Variants in RBMS3 observed in about 807,000 individuals in gnomAD.
The protein encoded by RBMS3 is RNA-binding motif, single-stranded-interacting protein 3.
A neutral mutation model predicts 66.8 loss-of-function variants in RBMS3; 27 were observed. That is an observed-to-expected ratio of 0.40 (90% confidence interval 0.30 to 0.56). The LOEUF is 0.56. Ranked by LOEUF, RBMS3 falls within the 20% of genes least tolerant of loss-of-function variation. The pLI is 0.40. For missense variants in RBMS3, 513 were observed against 549.5 expected, an observed-to-expected ratio of 0.93 and a Z score of 0.66; for synonymous variants, 188 against 183.0, an observed-to-expected ratio of 1.03 and a Z score of -0.22.
intron 6 of RBMS3, among the ~76,000 whole-genome samples, chr3:29,768,454 A>T (rs1349771183): frequency 6.6e-6 from 1 of 151,892 alleles, no homozygotes; most frequent in Non-Finnish European, 1.5e-5. Context: ...AGAAGGAAAA[A>T]GTTTCATCTT....
chr3:29,867,596 A>G (rs956178305), intron 6 of RBMS3, among the ~76,000 whole-genome samples: 1 of 149,312 alleles, frequency 6.7e-6, no homozygotes, highest in Admixed American at 6.7e-5. Context: ...GCATGTTCAC[A>G]TATCCATGCA....
chr3:29,289,269 A>C (rs1048174434), intron 1 of RBMS3, among the ~76,000 whole-genome samples: 2 of 151,916 alleles, frequency 1.3e-5, no homozygotes. Context: ...TGGTCCATAC[A>C]TAAGTAGCAA....
intron 6 of RBMS3, among the ~76,000 whole-genome samples, chr3:29,827,581 G>A (rs749585794): frequency 6.6e-6 from 1 of 152,062 alleles, no homozygotes; most frequent in African/African-American, 2.4e-5. Context: ...AACTGAACCA[G>A]GGCTGAAACT....
At position 29,488,421 on chromosome 3, in the gene RBMS3, TTTC is replaced by T; in HGVS notation, c.249-18_249-16del. On this transcript the variant is annotated splice_polypyrimidine_tract_variant and intron_variant, in intron 2 of 14. Coordinates refer to ENST00000383767, the MANE Select transcript of RBMS3 (RefSeq NM_001003793.3). Reference sequence around the variant, plus strand: ...AATGGGTTACAATAACATGGGTTTTTTTCTCTCTCTCTCTTTCAGGTATGGAAA... The same window carrying T: ...AATGGGTTACAATAACATGGGTTTTTTCTCTCTCTCTTTCAGGTATGGAAA... 6.5e-7 allele frequency: 1 copy of T among 1,536,288 alleles called. No homozygotes were observed. The highest frequency in any genetic ancestry group is 8.8e-7 in the Non-Finnish European group (1 of 1,135,134).
intron 6 of RBMS3, among the ~76,000 whole-genome samples, chr3:29,824,200 AAT>A (rs1298383049): frequency 6.9e-6 from 1 of 144,166 alleles, no homozygotes; most frequent in Non-Finnish European, 1.5e-5. Context: ...TTGGAAGGTG[AAT>A]TGGACATGAG....
At chr3:29,621,860 A>C (rs1272600609) in intron 4 of RBMS3, among the ~76,000 whole-genome samples, 2 of 152,154 alleles carry the variant, frequency 1.3e-5, no homozygotes, top group African/African-American at 4.8e-5. Flanking sequence ...AAAAAAACCC[A>C]CTTTATGGAA....
chr3:29,312,626 A>G lies in RBMS3; in HGVS notation c.75+30870A>G, dbSNP rs986133001. On this transcript the variant is annotated intron_variant, in intron 1 of 14. Coordinates refer to ENST00000383767, the MANE Select transcript of RBMS3 (RefSeq NM_001003793.3). ...TTTCTCTCCTTGTCTTTGTGTATCT[A>G]TATGTCTCTGTCTATGTCTGTCCCT... Among the ~76,000 whole-genome samples, 5 of 150,534 alleles carry G rather than the reference A, an allele frequency of 3.3e-5. No homozygotes were observed. In the East Asian group the frequency reaches 5.9e-4, roughly 18 times the overall value.
chr3:29,314,368 C>T (rs1345178146), intron 1 of RBMS3, among the ~76,000 whole-genome samples: 1 of 151,616 alleles, frequency 6.6e-6, no homozygotes, highest in African/African-American at 2.4e-5. Flanking sequence ...CATGACAGGG[C>T]TCACTGTCCT....
chr3:29,648,261 C>CTTTTT (rs1576434694), intron 4 of RBMS3, among the ~76,000 whole-genome samples: 23 of 88,124 alleles, frequency 2.6e-4, no homozygotes, highest in African/African-American at 1.1e-3. Context: ...TAGAAAATGT[C>CTTTTT]TATTTTTTTT....
chr3:29,952,031 A>G (rs2149716702), intron 12 of RBMS3, among the ~76,000 whole-genome samples: 1 of 151,948 alleles, frequency 6.6e-6, no homozygotes, highest in East Asian at 1.9e-4. Flanking sequence ...AAACTTTAAT[A>G]ACAGTCTTTG....
chr3:29,664,791 G>A (rs1405432352), intron 4 of RBMS3, among the ~76,000 whole-genome samples: 2 of 152,034 alleles, frequency 1.3e-5, no homozygotes, highest in Non-Finnish European at 2.9e-5. Context: ...CTATATGTGG[G>A]TTGAAGCATA....
At chr3:29,685,726 G>T (rs553008705) in intron 4 of RBMS3, among the ~76,000 whole-genome samples, 1 of 152,334 alleles carries the variant, frequency 6.6e-6, no homozygotes. Context: ...ATATTTGTTT[G>T]AGAGCTTGAA....
chr3:29,492,803 G>C lies in RBMS3; in HGVS notation c.307+4304G>C, dbSNP rs369860489. On this transcript the variant is annotated intron_variant, in intron 3 of 14. Transcript: ENST00000383767. The stretch of plus-strand genomic sequence containing the variant: ...CTCAGGGTAAGTTAGGTAGTGATGG[G>C]AAACATGCAAATTAAAGCAATATGC... Among the ~76,000 whole-genome samples the C allele has an allele frequency of 2.1e-4, 32 of 152,274 alleles. No individual in the cohort carries two copies. The East Asian group carries it at 5.8e-3, about 28-fold the overall frequency.
At chr3:29,318,470 C>G (rs2034821492) in intron 1 of RBMS3, among the ~76,000 whole-genome samples, 1 of 151,866 alleles carries the variant, frequency 6.6e-6, no homozygotes, top group Non-Finnish European at 1.5e-5. Flanking sequence ...ATATATCACT[C>G]TGGCTAATAT....
At chr3:29,306,992 T>G (rs2034057057) in intron 1 of RBMS3, among the ~76,000 whole-genome samples, 1 of 151,892 alleles carries the variant, frequency 6.6e-6, no homozygotes, top group Non-Finnish European at 1.5e-5. Flanking sequence ...ACATTTAAAT[T>G]TATTCGTTAG....
Position 29,897,429 on chromosome 3 carries a change from C to T in RBMS3, c.842C>T (p.Thr281Ile). The change falls in exon 9 of 15, where the codon ACA becomes ATA. Residue 281 changes from threonine (T) to isoleucine (I), a missense_variant. By Grantham distance (89) the Thr-to-Ile change is moderately conservative (BLOSUM62 -1). Coordinates refer to ENST00000383767, the MANE Select transcript of RBMS3 (RefSeq NM_001003793.3). ...SIATNRMIPQTSITPFIAASP... is the reference protein window; with the variant it reads ...SIATNRMIPQISITPFIAASP... ...GCAACCAACCGCATGATTCCACAGA[C>T]ATCTATCACGCCATTCATTGCTGCT... 6.2e-7 allele frequency: 1 copy of T among 1,611,240 alleles called. No individual in the cohort carries two copies. Among genetic ancestry groups the T allele is most frequent in the Non-Finnish European group, 8.5e-7 (1 of 1,178,084 alleles).
At chr3:29,308,037 C>T (rs997820808) in intron 1 of RBMS3, among the ~76,000 whole-genome samples, 1 of 151,888 alleles carries the variant, frequency 6.6e-6, no homozygotes, top group Admixed American at 6.6e-5. Flanking sequence ...TTCCTCACCA[C>T]TAAAACTTTC....
At chr3:29,478,711 A>G (rs1235491397) in intron 2 of RBMS3, among the ~76,000 whole-genome samples, 1 of 152,206 alleles carries the variant, frequency 6.6e-6, no homozygotes, top group Non-Finnish European at 1.5e-5. Flanking sequence ...TCAGAATCAG[A>G]TTTGATGTCT....
intron 1 of RBMS3, among the ~76,000 whole-genome samples, chr3:29,292,707 C>T (rs571891194): frequency 2.6e-4 from 40 of 151,616 alleles, no homozygotes; most frequent in African/African-American, 8.9e-4. Flanking sequence ...ACAACCTCAA[C>T]CGGTTATTTA....
Sources: allele counts gnomAD v4.1 joint callset (sites outside exome capture counted in the v4.1 genomes callset), GRCh38; gene constraint gnomAD v4.1.1; transcripts MANE v1.5; gene names NCBI Gene and HGNC (gene_info 2026-07-23, HGNC 2026-07-21).